The following LAMA2 variants were observed in gnomAD, a reference collection of about 807,000 sequenced individuals.
LAMA2 encodes the protein laminin subunit alpha 2.
A neutral mutation model predicts 364.8 loss-of-function variants in LAMA2; 269 were observed. That is an observed-to-expected ratio of 0.74 (90% CI 0.67 to 0.82). LAMA2 has a LOEUF of 0.82. Among genes scored for constraint, LAMA2 ranks in the 40% least tolerant of loss-of-function variants. The pLI is 0.00. For missense variants in LAMA2, 3,807 were observed against 3,873.2 expected, an observed-to-expected ratio of 0.98 and a Z score of 0.45; for synonymous variants, 1,379 against 1,370.6, an observed-to-expected ratio of 1.01 and a Z score of -0.14.
At chr6:129,331,750 T>C (rs1019961533) in intron 29 of LAMA2, among the ~76,000 whole-genome samples, 27 of 152,146 alleles carry the variant, frequency 1.8e-4, no homozygotes, top group African/African-American at 6.3e-4. Flanking sequence ...AATGGAGAGC[T>C]GTCTATCCCG....
At chr6:129,380,712 T>C (rs1002358895) in intron 34 of LAMA2, among the ~76,000 whole-genome samples, 3 of 152,122 alleles carry the variant, frequency 2.0e-5, no homozygotes, top group Non-Finnish European at 4.4e-5. Context: ...AAGGGATGAG[T>C]TTTGCATATT....
intron 1 of LAMA2, among the ~76,000 whole-genome samples, chr6:129,014,619 G>C (rs1004466578): frequency 6.6e-6 from 1 of 151,988 alleles, no homozygotes; most frequent in African/African-American, 2.4e-5. Context: ...TACACAGTGT[G>C]CTACACTGTG....
Position 129,146,961 on chromosome 6 carries a change from T to C in LAMA2, c.822T>C (p.Tyr274=). 1.9e-6 allele frequency: 3 copies of C among 1,603,018 alleles called. No homozygotes were observed. Among genetic ancestry groups the C allele is most frequent in the Non-Finnish European group, 2.6e-6 (3 of 1,170,182 alleles). Residue 274 remains tyrosine (Y), a splice_region_variant and synonymous_variant, in exon 6 of 65, where the codon TAT becomes TAC. Transcript: ENST00000421865. ...TCTCTCTGGATTGCTTTTTGCAGTA[T>C]TACTACTCGGTCAAGGATATTTCAG... is the stretch of plus-strand genomic sequence containing the variant. ...REIDPIVTRR[Y]YYSVKDISVG...
chr6:129,453,124 C>A lies in LAMA2; in HGVS notation c.6566C>A (p.Ala2189Asp), dbSNP rs1782771297. The change falls in exon 46 of 65, where the codon GCC becomes GAC. Residue 2189 changes from alanine to aspartate, a missense_variant. Ala to Asp is a moderately radical substitution (Grantham distance 126). Coordinates refer to ENST00000421865, the MANE Select transcript of LAMA2 (RefSeq NM_000426.4). ...AACCTCCTCTTTTATCTTGGAAGTG[C>A]CAAATTTGTAAGTCTAATATTCAAC... ...ADNLLFYLGS[A>D]KFIDFLAIEM... 1 of 1,612,238 alleles carries A rather than the reference C, an allele frequency of 6.2e-7. No individual in the cohort carries two copies. Among genetic ancestry groups the A allele is most frequent in the South Asian group, 1.1e-5 (1 of 91,034 alleles).
chr6:129,444,327 T>C lies in LAMA2; in HGVS notation c.6274+1259T>C, dbSNP rs557376122. Among the ~76,000 whole-genome samples the C allele has an allele frequency of 1.5e-4, 23 of 152,318 alleles. No homozygotes were observed. In the South Asian group the frequency reaches 4.8e-3, roughly 32 times the overall value. On this transcript the variant is annotated intron_variant, in intron 44 of 64. Coordinates refer to ENST00000421865, the MANE Select transcript of LAMA2 (RefSeq NM_000426.4). The stretch of plus-strand genomic sequence containing the variant: ...TTGCTCTTTCTCATTAATCTAAATC[T>C]AAATCATTTTGCCTCAGTTTTAGAA...
At chr6:129,292,954 A>G in intron 20 of LAMA2, 3 of 985,914 alleles carry the variant, frequency 3.0e-6, no homozygotes, top group Non-Finnish European at 3.6e-6. Flanking sequence ...AGGCAGGTGC[A>G]CCAACAGGAG....
chr6:128,929,113 G>A (rs761367028), intron 1 of LAMA2: 21 of 1,444,110 alleles, frequency 1.5e-5, no homozygotes, highest in East Asian at 6.8e-5. Context: ...GCGTTTTCCC[G>A]TACAGATCCA....
At chr6:129,246,074 G>C (rs1785731396) in intron 12 of LAMA2, among the ~76,000 whole-genome samples, 1 of 151,620 alleles carries the variant, frequency 6.6e-6, no homozygotes, top group Non-Finnish European at 1.5e-5. Context: ...TGTTTAAAAA[G>C]AAAATGGACA....
At chr6:129,386,270 G>A (rs1281766958) in intron 35 of LAMA2, among the ~76,000 whole-genome samples, 4 of 151,944 alleles carry the variant, frequency 2.6e-5, no homozygotes, top group African/African-American at 4.8e-5. Flanking sequence ...TTTTGAATAA[G>A]AGATGAAAAA....
At chr6:128,929,032 GC>G in intron 1 of LAMA2, 1 of 1,424,334 alleles carries the variant, frequency 7.0e-7, no homozygotes, top group Non-Finnish European at 9.9e-7. Context: ...CATTCAAGAA[GC>G]CAATGGTATC....
intron 10 of LAMA2, among the ~76,000 whole-genome samples, chr6:129,188,255 G>A (rs912697255): frequency 1.3e-5 from 2 of 151,740 alleles, no homozygotes; most frequent in Non-Finnish European, 3.0e-5. Flanking sequence ...ACCCTAATGT[G>A]TTGCTTCAGG....
intron 1 of LAMA2, among the ~76,000 whole-genome samples, chr6:129,011,845 G>A (rs1225068687): frequency 2.0e-5 from 3 of 152,182 alleles, no homozygotes; most frequent in African/African-American, 7.2e-5. Flanking sequence ...TAAAGGGTAG[G>A]TAGAATTGTA....
In LAMA2 at chr6:129,006,138, A is replaced by G. The variant is rs1050555905; in HGVS notation, c.113-43780A>G. Among the ~76,000 whole-genome samples, 5 of 152,142 alleles carry G rather than the reference A, an allele frequency of 3.3e-5. No homozygotes were observed. In the South Asian group the frequency reaches 6.2e-4, roughly 19 times the overall value. ...GATTCAATCAGTATACAGTAAATCT[A>G]TAATTGAATAAATAATGTTAGAAGC... On this transcript the variant is annotated intron_variant, in intron 1 of 64. Transcript: ENST00000421865.
chr6:128,917,110 A>G lies in LAMA2; in HGVS notation c.112+33753A>G, dbSNP rs181850245. Among the ~76,000 whole-genome samples, 4 of 151,488 alleles carry G rather than the reference A, an allele frequency of 2.6e-5. No homozygotes were observed. In the South Asian group the frequency reaches 6.3e-4, roughly 24 times the overall value. On this transcript the variant is annotated intron_variant, in intron 1 of 64. Transcript: ENST00000421865. The stretch of plus-strand genomic sequence containing the variant: ...GCTTTCTTTCCTTTTTTAAAATCCC[A>G]TGGTATCTCATCATCTCTTCTTGTC...
chr6:129,508,709 T>G (rs752568004), intron 62 of LAMA2, among the ~76,000 whole-genome samples: 8 of 152,234 alleles, frequency 5.3e-5, no homozygotes, highest in Non-Finnish European at 1.2e-4. Flanking sequence ...CTCATTCTTT[T>G]TTATGGCTTA....
intron 34 of LAMA2, among the ~76,000 whole-genome samples, chr6:129,376,648 C>T (rs993326271): frequency 6.6e-6 from 1 of 152,118 alleles, no homozygotes; most frequent in Non-Finnish European, 1.5e-5. Flanking sequence ...AAAGCATTGC[C>T]ACACATTTCT....
At chr6:128,900,628 G>A (rs1349638336) in intron 1 of LAMA2, among the ~76,000 whole-genome samples, 3 of 152,180 alleles carry the variant, frequency 2.0e-5, no homozygotes, top group Non-Finnish European at 4.4e-5. Flanking sequence ...TAAGATCATG[G>A]ATTCCTGAAA....
At chr6:129,131,643 G>A (rs1435845698) in intron 4 of LAMA2, among the ~76,000 whole-genome samples, 1 of 152,140 alleles carries the variant, frequency 6.6e-6, no homozygotes, top group Non-Finnish European at 1.5e-5. Flanking sequence ...CAGATGTCGA[G>A]GTGCACAGAG....
chr6:129,146,793 G>C (rs1778483920), intron 5 of LAMA2, among the ~76,000 whole-genome samples, 166 bp from the exon 6 acceptor site: 1 of 152,074 alleles, frequency 6.6e-6, no homozygotes, highest in Non-Finnish European at 1.5e-5. Flanking sequence ...ACAGTGCTAA[G>C]AGTTACTTTG....
Sources: allele counts gnomAD v4.1 joint callset (sites outside exome capture counted in the v4.1 genomes callset), GRCh38; gene constraint gnomAD v4.1.1; transcripts MANE v1.5; gene names NCBI Gene and HGNC (gene_info 2026-07-23, HGNC 2026-07-21).